The following VKORC1L1 variants were observed in gnomAD, a reference collection of about 807,000 sequenced individuals.
VKORC1L1 encodes the protein vitamin K epoxide reductase complex subunit 1-like protein 1.
VKORC1L1 carries 2 observed loss-of-function variants against 18.9 expected under a neutral mutation model. That is an observed-to-expected ratio of 0.11 (90% CI 0.04 to 0.33). The LOEUF is 0.33. Ranked by LOEUF, VKORC1L1 falls within the 10% of genes least tolerant of loss-of-function variation. The pLI is 1.00. For synonymous variants in VKORC1L1, 96 were observed against 100.0 expected (o/e 0.96, Z 0.24); for missense variants, 123 against 224.1 (o/e 0.55, Z 2.88).
At chr7:65,885,585 T>A (rs1174050044) in intron 1 of VKORC1L1, among the ~76,000 whole-genome samples, 1 of 152,180 alleles carries the variant, frequency 6.6e-6, no homozygotes, top group Non-Finnish European at 1.5e-5. Flanking sequence ...AATTTCCTTT[T>A]GTGTCTAGTG....
chr7:65,937,090 C>T (rs752981095), intron 1 of VKORC1L1, among the ~76,000 whole-genome samples: 8 of 152,144 alleles, frequency 5.3e-5, no homozygotes, highest in Admixed American at 4.6e-4. Context: ...ATCCTCTGGC[C>T]AGAAAGAAGT....
upstream of VKORC1L1, among the ~76,000 whole-genome samples, chr7:65,869,037 A>C (rs368673176): frequency 5.3e-5 from 8 of 152,292 alleles, no homozygotes; most frequent in East Asian, 1.2e-3. Flanking sequence ...GTAAGTTGTC[A>C]AGTGTGGTGG....
At chr7:65,900,628 C>T (rs1363186457) in intron 1 of VKORC1L1, among the ~76,000 whole-genome samples, 3 of 151,954 alleles carry the variant, frequency 2.0e-5, no homozygotes, top group Non-Finnish European at 1.5e-5. Flanking sequence ...CGAGGTGAAA[C>T]CCCATCTCTA....
intron 1 of VKORC1L1, among the ~76,000 whole-genome samples, chr7:65,902,328 A>G (rs1789332294): frequency 6.6e-6 from 1 of 152,226 alleles, no homozygotes; most frequent in African/African-American, 2.4e-5. Context: ...GTATTTTAAA[A>G]AGACCCAAAC....
chr7:65,951,256 A>G (rs1790207498), intron 2 of VKORC1L1, among the ~76,000 whole-genome samples: 1 of 152,110 alleles, frequency 6.6e-6, no homozygotes, highest in African/African-American at 2.4e-5. Context: ...ATTTTTTCAT[A>G]GGTAATCCAT....
chr7:65,892,706 T>C (rs1323311451), intron 1 of VKORC1L1, among the ~76,000 whole-genome samples: 1 of 152,330 alleles, frequency 6.6e-6, no homozygotes, highest in African/African-American at 2.4e-5. Flanking sequence ...ATGAAGATGA[T>C]GATGATGATG....
intron 1 of VKORC1L1, among the ~76,000 whole-genome samples, chr7:65,898,133 G>C (rs541647697): frequency 4.0e-5 from 5 of 124,192 alleles, no homozygotes; most frequent in African/African-American, 1.5e-4. Context: ...TTGTCACCCA[G>C]GCTGGAGTAT....
At chr7:65,888,407 T>C (rs1044231994) in intron 1 of VKORC1L1, among the ~76,000 whole-genome samples, 2 of 152,168 alleles carry the variant, frequency 1.3e-5, no homozygotes, top group African/African-American at 4.8e-5. Flanking sequence ...AAGCTTAAAT[T>C]GTTTCAAACT....
chr7:65,873,599 C>A (rs1788770112), intron 1 of VKORC1L1, 34 bp downstream of exon 1: 1 of 1,433,918 alleles, frequency 7.0e-7, no homozygotes, highest in South Asian at 1.3e-5. Flanking sequence ...CAGGAGCGGC[C>A]GAGCGGGGCG....
chr7:65,919,278 T>G (rs533265376), intron 1 of VKORC1L1, among the ~76,000 whole-genome samples: 8 of 151,710 alleles, frequency 5.3e-5, no homozygotes, highest in African/African-American at 1.7e-4. Flanking sequence ...TACTTGTTGA[T>G]GTCATTCAGT....
intron 1 of VKORC1L1, among the ~76,000 whole-genome samples, chr7:65,895,808 T>A (rs1384103489): frequency 6.6e-6 from 1 of 151,220 alleles, no homozygotes; most frequent in Non-Finnish European, 1.5e-5. Context: ...GTATATGTGA[T>A]GAAAATAGTG....
intron 1 of VKORC1L1, among the ~76,000 whole-genome samples, chr7:65,888,318 G>A (rs567759629): frequency 6.6e-6 from 1 of 152,250 alleles, no homozygotes; most frequent in East Asian, 1.9e-4. Context: ...ACTAGGACTT[G>A]GGCACCAAAC....
intron 1 of VKORC1L1, among the ~76,000 whole-genome samples, chr7:65,883,714 G>C (rs1788966220): frequency 6.6e-6 from 1 of 151,282 alleles, no homozygotes; most frequent in African/African-American, 2.4e-5. Context: ...TGGCCAGGCT[G>C]GTCTCGACCT....
intron 1 of VKORC1L1, among the ~76,000 whole-genome samples, chr7:65,877,547 C>G (rs1017161495): frequency 6.6e-6 from 1 of 152,110 alleles, no homozygotes; most frequent in Admixed American, 6.5e-5. Context: ...AGGGTCTTGC[C>G]ATGTTGGCCA....
chr7:65,882,848 A>T (rs961942207), intron 1 of VKORC1L1, among the ~76,000 whole-genome samples: 1 of 152,214 alleles, frequency 6.6e-6, no homozygotes, highest in Non-Finnish European at 1.5e-5. Context: ...TTCATTCCTT[A>T]ACACTATTAC....
chr7:65,873,319 C>G lies in VKORC1L1; in HGVS notation c.-53C>G. The G allele has an allele frequency of 7.7e-7, 1 of 1,299,864 alleles. No individual in the cohort carries two copies. The allele number at this position is 1,299,864 out of a possible 1,614,324, so 80.5% of individuals were successfully genotyped here. A position where few individuals can be genotyped will look rare whatever the true frequency, so the allele number is the denominator to read the frequency against. On this transcript the variant is annotated 5_prime_UTR_variant, in exon 1 of 3. Coordinates refer to ENST00000360768, the MANE Select transcript of VKORC1L1 (RefSeq NM_173517.6). ...GGCGGCTGGGTCGGGCCCCGACGGGCGGCGGCGGCTGAGGTGGAGGCGGAG... is the reference window on the plus strand; with the variant it reads ...GGCGGCTGGGTCGGGCCCCGACGGGGGGCGGCGGCTGAGGTGGAGGCGGAG...
intron 1 of VKORC1L1, among the ~76,000 whole-genome samples, chr7:65,932,461 A>G (rs1007801663): frequency 6.6e-6 from 1 of 152,170 alleles, no homozygotes; most frequent in African/African-American, 2.4e-5. Flanking sequence ...CCTTTCTAAT[A>G]TAAGCATTTT....
chr7:65,940,164 A>G (rs1790011360), intron 1 of VKORC1L1, among the ~76,000 whole-genome samples: 1 of 152,022 alleles, frequency 6.6e-6, no homozygotes, highest in South Asian at 2.1e-4. Context: ...AGCTGGGGCT[A>G]CAGGTGTGTG....
intron 1 of VKORC1L1, among the ~76,000 whole-genome samples, chr7:65,906,912 G>C (rs1275607045): frequency 1.3e-5 from 2 of 152,148 alleles, no homozygotes; most frequent in Non-Finnish European, 2.9e-5. Flanking sequence ...TCAGGTTGGG[G>C]ACCTTGAACT....
Sources: gnomAD v4.1 joint callset for allele counts (sites outside exome capture counted in the v4.1 genomes callset) on GRCh38, gnomAD v4.1.1 for gene constraint, MANE v1.5 for transcripts, NCBI Gene and HGNC (gene_info 2026-07-23, HGNC 2026-07-21) for gene names.